MCTP1: variants seen among roughly 807,000 people sequenced by gnomAD.
MCTP1 encodes the protein multiple C2 and transmembrane domain containing 1.
A neutral mutation model predicts 120.6 loss-of-function variants in MCTP1; 69 were observed. The ratio of observed to expected loss-of-function variants is 0.57; its 90% CI spans 0.47 to 0.70. The LOEUF is 0.70. Ranked by LOEUF, MCTP1 falls within the 30% of genes least tolerant of loss-of-function variation. The pLI is 0.00. For missense variants in MCTP1, 1,203 were observed against 1,248.8 expected, an observed-to-expected ratio of 0.96 and a Z score of 0.55; for synonymous variants, 529 against 493.1, an observed-to-expected ratio of 1.07 and a Z score of -0.96.
At chr5:95,060,249 C>G (rs756141703) in intron 1 of MCTP1, among the ~76,000 whole-genome samples, 1 of 152,150 alleles carries the variant, frequency 6.6e-6, no homozygotes, top group Non-Finnish European at 1.5e-5. Flanking sequence ...GGAACATAAT[C>G]TGTGCTACAG....
chr5:94,974,693 T>C (rs1827688038), intron 2 of MCTP1, among the ~76,000 whole-genome samples: 1 of 151,902 alleles, frequency 6.6e-6, no homozygotes, highest in African/African-American at 2.4e-5. Context: ...AAAAGTGCCA[T>C]TAAAATAACC....
At chr5:95,252,050 C>T (rs1484113361) in intron 1 of MCTP1, among the ~76,000 whole-genome samples, 1 of 152,130 alleles carries the variant, frequency 6.6e-6, no homozygotes, top group Non-Finnish European at 1.5e-5. Flanking sequence ...ATTACAAAGA[C>T]AGAAAGAAAT....
At chr5:94,810,475 A>G (rs972738930) in intron 17 of MCTP1, among the ~76,000 whole-genome samples, 2 of 151,946 alleles carry the variant, frequency 1.3e-5, no homozygotes, top group East Asian at 1.9e-4. Flanking sequence ...ATGGGGGGAA[A>G]CTCCCTCTGT....
intron 18 of MCTP1, among the ~76,000 whole-genome samples, chr5:94,781,325 G>C (rs1776534884): frequency 1.3e-5 from 2 of 152,038 alleles, no homozygotes; most frequent in African/African-American, 4.8e-5. Flanking sequence ...CAGGATGGTG[G>C]TGGGCTGTGC....
At chr5:94,958,850 G>A (rs928775661) in intron 2 of MCTP1, among the ~76,000 whole-genome samples, 2 of 152,168 alleles carry the variant, frequency 1.3e-5, no homozygotes, top group African/African-American at 4.8e-5. Flanking sequence ...ACAAAGAGGA[G>A]CTGGTAACCA....
chr5:94,933,820 C>G (rs1815421269), intron 5 of MCTP1, among the ~76,000 whole-genome samples: 7 of 151,810 alleles, frequency 4.6e-5, no homozygotes. Flanking sequence ...TACAATTAAC[C>G]TTCTATAGTA....
At chr5:94,813,573 G>A (rs534815976) in intron 17 of MCTP1, among the ~76,000 whole-genome samples, 3 of 152,164 alleles carry the variant, frequency 2.0e-5, no homozygotes, top group African/African-American at 7.2e-5. Context: ...TTATCATCTA[G>A]TAAATTGATA....
intron 1 of MCTP1, among the ~76,000 whole-genome samples, chr5:95,076,568 T>A (rs529090713): frequency 3.0e-4 from 46 of 152,148 alleles, no homozygotes; most frequent in South Asian, 2.1e-3. Context: ...TGCAGTTACA[T>A]GGAGTTAAGG....
chr5:95,171,828 T>C (rs993312635), intron 1 of MCTP1, among the ~76,000 whole-genome samples: 1 of 152,056 alleles, frequency 6.6e-6, no homozygotes, highest in African/African-American at 2.4e-5. Context: ...TTTTTCAAGG[T>C]TTTTAGCTTC....
At chr5:94,748,848 T>C (rs112026868) in intron 19 of MCTP1, among the ~76,000 whole-genome samples, 25 of 152,336 alleles carry the variant, frequency 1.6e-4, no homozygotes, top group South Asian at 6.2e-4. Flanking sequence ...TCATATATTT[T>C]ACTATCCAAG....
chr5:95,123,900 C>T (rs1429123059), intron 1 of MCTP1, among the ~76,000 whole-genome samples: 3 of 152,130 alleles, frequency 2.0e-5, no homozygotes, highest in Admixed American at 6.6e-5. Context: ...CCGCCCGCCT[C>T]GGCCTCTCAA....
rs148391089 is a variant in MCTP1 at position 95,108,900 on chromosome 5, T to C, written c.721-91416A>G. Reference sequence around the variant, plus strand: ...ATAGGTAGCTACTTATTGTTCAGTATCTACTATATACCAGATGTTATATTT... The same window carrying C: ...ATAGGTAGCTACTTATTGTTCAGTACCTACTATATACCAGATGTTATATTT... On this transcript the variant is annotated intron_variant, in intron 1 of 22. Transcript: ENST00000515393. Among the ~76,000 whole-genome samples the C allele has an allele frequency of 4.2e-3, 643 of 152,316 alleles. 4 individuals are homozygous for C. The highest frequency in any genetic ancestry group is 0.015 in the African/African-American group (624 of 41,556).
chr5:94,871,493 G>C (rs1797854486), intron 13 of MCTP1, 76 bp from the exon 14 acceptor site: 2 of 962,096 alleles, frequency 2.1e-6, no homozygotes, highest in Non-Finnish European at 3.3e-6. Flanking sequence ...TGAAAATTTA[G>C]ATAGCTCCAG....
At position 94,929,732 on chromosome 5, in the gene MCTP1, T is replaced by C. The variant is rs1173487754; in HGVS notation, c.1212+2221A>G. On this transcript the variant is annotated intron_variant, in intron 6 of 22. Coordinates refer to ENST00000515393, the MANE Select transcript of MCTP1 (RefSeq NM_024717.7). The stretch of plus-strand genomic sequence containing the variant: ...AAGGTGGACTAGCTAGTAATTGAAA[T>C]GTCAAACTTTCCCCCGATTTTGGAT... 9 of 953,564 alleles carry C rather than the reference T, an allele frequency of 9.4e-6. No homozygotes were observed. In the East Asian group the frequency reaches 1.0e-3, roughly 110 times the overall value. 59.1% of individuals were successfully genotyped at this position (953,564 alleles called of 1,614,324 possible).
intron 1 of MCTP1, among the ~76,000 whole-genome samples, chr5:95,138,415 C>T (rs868754736): frequency 2.5e-4 from 38 of 152,212 alleles, no homozygotes; most frequent in African/African-American, 8.2e-4. Flanking sequence ...TCTCACTATC[C>T]TCTCCTGTAA....
At chr5:94,934,750 T>TTTC (rs1815755857) in intron 5 of MCTP1, among the ~76,000 whole-genome samples, 1 of 151,322 alleles carries the variant, frequency 6.6e-6, no homozygotes, top group African/African-American at 2.4e-5. Flanking sequence ...TTTTTTTTTT[T>TTTC]TTTTTACTCA....
chr5:94,879,676 A>G (rs1285678737), intron 12 of MCTP1, among the ~76,000 whole-genome samples: 1 of 152,158 alleles, frequency 6.6e-6, no homozygotes, highest in Non-Finnish European at 1.5e-5. Flanking sequence ...GTAATCAAAG[A>G]TTATGTAGCC....
rs116554685 is a variant in MCTP1 at position 95,107,917 on chromosome 5, C to A, written c.721-90433G>T. On this transcript the variant is annotated intron_variant, in intron 1 of 22. Coordinates refer to ENST00000515393, the MANE Select transcript of MCTP1 (RefSeq NM_024717.7). ...GCAGGTTTGTTACATAGGTAAACGT[C>A]TGCCATGGTGGTTTGCTGCACCTAT... Among the ~76,000 whole-genome samples the A allele has an allele frequency of 5.8e-3, 887 of 152,244 alleles. 8 individuals are homozygous for A. Among genetic ancestry groups the A allele is most frequent in the African/African-American group, 0.018 (762 of 41,538 alleles).
chr5:94,745,731 CAT>C (rs1376862597), intron 19 of MCTP1, among the ~76,000 whole-genome samples: 14 of 152,268 alleles, frequency 9.2e-5, no homozygotes, highest in African/African-American at 3.4e-4. Flanking sequence ...TGAAGAAAAA[CAT>C]ATTTACAGAA....
Sources: allele counts gnomAD v4.1 joint callset (sites outside exome capture counted in the v4.1 genomes callset), GRCh38; gene constraint gnomAD v4.1.1; transcripts MANE v1.5; gene names NCBI Gene and HGNC (gene_info 2026-07-23, HGNC 2026-07-21).